CSMD1: variants seen among roughly 807,000 people sequenced by gnomAD.
The protein encoded by CSMD1 is CUB and sushi domain-containing protein 1.
In CSMD1, 213 loss-of-function variants were observed where a neutral mutation model predicts 417.5. The ratio of observed to expected loss-of-function variants is 0.51; its 90% CI spans 0.46 to 0.57. The LOEUF (loss-of-function observed/expected upper bound fraction) is 0.57, where lower values mean the gene tolerates loss of function less well. Among genes scored for constraint, CSMD1 ranks in the 20% least tolerant of loss-of-function variants. The pLI, the probability that CSMD1 is intolerant of heterozygous loss-of-function variation, is 0.00. For synonymous variants in CSMD1, 2,862 were observed against 1,736.8 expected, an observed-to-expected ratio of 1.65 and a Z score of -16.11; for missense variants, 6,923 against 4,529.7, an observed-to-expected ratio of 1.53 and a Z score of -15.17.
At chr8:4,708,403 G>C (rs1483509252) in intron 1 of CSMD1, among the ~76,000 whole-genome samples, 1 of 152,174 alleles carries the variant, frequency 6.6e-6, no homozygotes, top group Non-Finnish European at 1.5e-5. Flanking sequence ...AACTGAATAT[G>C]TATCTGGTAA....
intron 3 of CSMD1, among the ~76,000 whole-genome samples, chr8:4,297,392 C>A (rs1021420347): frequency 6.6e-6 from 1 of 151,992 alleles, no homozygotes; most frequent in African/African-American, 2.4e-5. Context: ...TACTGTAATT[C>A]ATTTTTATTG....
At chr8:4,421,506 T>A (rs1184920120) in intron 2 of CSMD1, among the ~76,000 whole-genome samples, 1 of 152,076 alleles carries the variant, frequency 6.6e-6, no homozygotes. Context: ...CACAGTGGAA[T>A]CAAATTAGAA....
At chr8:4,235,548 C>G (rs1037101374) in intron 3 of CSMD1, among the ~76,000 whole-genome samples, 12 of 151,932 alleles carry the variant, frequency 7.9e-5, no homozygotes, top group African/African-American at 2.4e-4. Flanking sequence ...CAAAGTGCTC[C>G]GAATATTTTC....
intron 12 of CSMD1, among the ~76,000 whole-genome samples, chr8:3,462,007 G>A (rs60715007): frequency 2.0e-5 from 3 of 152,274 alleles, no homozygotes; most frequent in East Asian, 1.9e-4. Flanking sequence ...CCTAGGAAAC[G>A]AGGCCAGTCA....
intron 26 of CSMD1, among the ~76,000 whole-genome samples, chr8:3,264,799 G>C (rs1353525115): frequency 6.6e-6 from 1 of 152,146 alleles, no homozygotes; most frequent in East Asian, 1.9e-4. Flanking sequence ...GCCAGAAACA[G>C]TGCCTCTGTT....
chr8:3,717,395 T>G (rs570946340), intron 6 of CSMD1, among the ~76,000 whole-genome samples: 1 of 150,856 alleles, frequency 6.6e-6, no homozygotes, highest in African/African-American at 2.4e-5. Flanking sequence ...AGTCACACAG[T>G]ATTAATTTTG....
intron 1 of CSMD1, among the ~76,000 whole-genome samples, chr8:4,825,448 C>T (rs1799769820): frequency 6.6e-6 from 1 of 152,032 alleles, no homozygotes; most frequent in Non-Finnish European, 1.5e-5. Flanking sequence ...TTTTCTAGAA[C>T]TTACTCAGTT....
chr8:4,212,213 G>T (rs796994522), intron 3 of CSMD1, among the ~76,000 whole-genome samples: 1 of 149,008 alleles, frequency 6.7e-6, no homozygotes, highest in Admixed American at 6.7e-5. Context: ...TCTCCATGTT[G>T]TTTTAACTTA....
intron 3 of CSMD1, among the ~76,000 whole-genome samples, chr8:4,325,543 C>G (rs1316586545): frequency 2.0e-5 from 3 of 152,172 alleles, no homozygotes; most frequent in South Asian, 2.1e-4. Context: ...CCATGGCAAC[C>G]AAAAGCATGC....
chr8:4,921,161 G>C (rs779962073), intron 1 of CSMD1, among the ~76,000 whole-genome samples: 29 of 151,994 alleles, frequency 1.9e-4, no homozygotes, highest in Admixed American at 2.6e-4. Flanking sequence ...TGATGATTAT[G>C]ATGGTGATTT....
chr8:4,290,279 G>A (rs914778787), intron 3 of CSMD1, among the ~76,000 whole-genome samples: 2 of 152,142 alleles, frequency 1.3e-5, no homozygotes, highest in Non-Finnish European at 2.9e-5. Context: ...GAAAAGCATG[G>A]TTTTCACATA....
chr8:4,107,764 G>A (rs1218529109), intron 3 of CSMD1, among the ~76,000 whole-genome samples: 1 of 152,276 alleles, frequency 6.6e-6, no homozygotes, highest in South Asian at 2.1e-4. Context: ...TCACATGACT[G>A]CACGAGGCTG....
At chr8:3,094,679 T>C (rs888447907) in intron 47 of CSMD1, among the ~76,000 whole-genome samples, 2 of 151,970 alleles carry the variant, frequency 1.3e-5, no homozygotes, top group Non-Finnish European at 2.9e-5. Context: ...TTAAAAAGCA[T>C]TATGGGATAT....
At chr8:3,686,146 T>C (rs1585074635) in intron 7 of CSMD1, among the ~76,000 whole-genome samples, 1 of 152,190 alleles carries the variant, frequency 6.6e-6, no homozygotes, top group African/African-American at 2.4e-5. Flanking sequence ...TATGGGACTA[T>C]TAGGTAGGTT....
rs758414733 is a variant in CSMD1, at chr8:3,493,645, C to T, written c.1426G>A (p.Asp476Asn). The change falls in exon 11 of 70, where the codon GAC becomes AAC. Residue 476 changes from aspartate (D) to asparagine (N), a missense_variant. Coordinates refer to ENST00000635120, the MANE Select transcript of CSMD1 (RefSeq NM_033225.6). ...LTVGDAGKVG[D>N]TRSVLYVLTG... ...CACACGTACAAGACCGATCTGGTGT[C>T]TCCCACCTTCCCAGCATCACCAACC... 1 of 1,611,328 alleles carries T rather than the reference C, an allele frequency of 6.2e-7. No individual in the cohort carries two copies. The highest frequency in any genetic ancestry group is 8.5e-7 in the Non-Finnish European group (1 of 1,178,866).
intron 2 of CSMD1, among the ~76,000 whole-genome samples, chr8:4,501,152 G>A (rs567810498): frequency 6.6e-6 from 1 of 152,156 alleles, no homozygotes; most frequent in African/African-American, 2.4e-5. Context: ...ACATATATGT[G>A]TATATGTTTA....
At chr8:4,459,094 C>G (rs1054978564) in intron 2 of CSMD1, among the ~76,000 whole-genome samples, 3 of 152,168 alleles carry the variant, frequency 2.0e-5, no homozygotes, top group Non-Finnish European at 4.4e-5. Context: ...AGATTCCAGC[C>G]AGGGTACGCT....
chr8:3,785,476 T>C (rs1471172260), intron 5 of CSMD1, among the ~76,000 whole-genome samples: 3 of 152,194 alleles, frequency 2.0e-5, no homozygotes, highest in Non-Finnish European at 4.4e-5. Flanking sequence ...TCCTAAGGCT[T>C]GTACTCTAGT....
At chr8:4,711,495 G>A (rs1808293256) in intron 1 of CSMD1, among the ~76,000 whole-genome samples, 1 of 151,786 alleles carries the variant, frequency 6.6e-6, no homozygotes, top group Non-Finnish European at 1.5e-5. Flanking sequence ...TTTATTTTCA[G>A]AGAAAGTATT....
Sources: allele counts gnomAD v4.1 joint callset (sites outside exome capture counted in the v4.1 genomes callset), GRCh38; gene constraint gnomAD v4.1.1; transcripts MANE v1.5; gene names NCBI Gene and HGNC (gene_info 2026-07-23, HGNC 2026-07-21).